The following PTGER3 variants were observed in gnomAD, a reference collection of about 807,000 sequenced individuals.
PTGER3 encodes the protein prostaglandin E receptor 3, also known as prostaglandin E2 receptor EP3 subtype.
PTGER3 carries 22 observed loss-of-function variants against 34.7 expected under a neutral mutation model. The ratio of observed to expected loss-of-function variants is 0.63; its 90% CI spans 0.45 to 0.91. The LOEUF (loss-of-function observed/expected upper bound fraction) is 0.91, where lower values mean the gene tolerates loss of function less well. Among genes scored for constraint, PTGER3 ranks in the 40% least tolerant of loss-of-function variants. PTGER3 has a pLI of 0.00. For missense variants in PTGER3, 468 were observed against 519.4 expected, an observed-to-expected ratio of 0.90 and a Z score of 0.96; for synonymous variants, 241 against 230.1, an observed-to-expected ratio of 1.05 and a Z score of -0.43.
intron 4 of PTGER3, among the ~76,000 whole-genome samples, chr1:70,932,885 T>G (rs1435196838): frequency 1.3e-5 from 2 of 152,148 alleles, no homozygotes; most frequent in Admixed American, 1.3e-4. Flanking sequence ...TAAATTTCCC[T>G]TCTGTACACA....
chr1:70,937,159 T>A (rs748360576), intron 4 of PTGER3, among the ~76,000 whole-genome samples: 5 of 152,124 alleles, frequency 3.3e-5, no homozygotes, highest in Non-Finnish European at 7.4e-5. Context: ...TAGAGGGGAA[T>A]GTTATGATTA....
At chr1:70,953,425 A>G (rs958010614) in intron 3 of PTGER3, among the ~76,000 whole-genome samples, 1 of 152,142 alleles carries the variant, frequency 6.6e-6, no homozygotes, top group African/African-American at 2.4e-5. Context: ...TTCTGTGTGC[A>G]GTGGAGTCTA....
At chr1:70,884,692 A>G (rs1255654733) in intron 4 of PTGER3, among the ~76,000 whole-genome samples, 1 of 152,212 alleles carries the variant, frequency 6.6e-6, no homozygotes, top group Non-Finnish European at 1.5e-5. Flanking sequence ...CACTAAATTT[A>G]TGGTGATTTG....
At chr1:70,872,038 G>C (rs77623521) in intron 4 of PTGER3, among the ~76,000 whole-genome samples, 1 of 152,168 alleles carries the variant, frequency 6.6e-6, no homozygotes, top group Non-Finnish European at 1.5e-5. Context: ...CCTCAAACAC[G>C]ATTGTGTTGA....
chr1:71,031,571 C>A (rs116733983), intron 1 of PTGER3, among the ~76,000 whole-genome samples: 3,050 of 152,194 alleles, frequency 0.02, 106 homozygotes, highest in African/African-American at 0.07. Context: ...ATTTTACAAG[C>A]ATAACACAAA....
intron 4 of PTGER3, among the ~76,000 whole-genome samples, chr1:70,927,097 G>A (rs1557660646): frequency 6.6e-6 from 1 of 152,188 alleles, no homozygotes. Context: ...ATTTTATTGG[G>A]GATTTTTGCA....
At chr1:70,929,328 A>G (rs1459420932) in intron 4 of PTGER3, among the ~76,000 whole-genome samples, 3 of 152,210 alleles carry the variant, frequency 2.0e-5, no homozygotes, top group South Asian at 4.1e-4. Flanking sequence ...GGCTAATCTT[A>G]AAATCTTGTG....
chr1:71,020,697 AGTGTGTGT>A (rs112981971), intron 1 of PTGER3, among the ~76,000 whole-genome samples: 9 of 144,888 alleles, frequency 6.2e-5, no homozygotes, highest in Non-Finnish European at 7.6e-5. Flanking sequence ...ATGTTAGCAG[AGTGTGTGT>A]GTGTGTGTGT....
chr1:70,918,713 C>G lies in PTGER3; in HGVS notation c.*23+35050G>C, dbSNP rs899830189. On this transcript the variant is annotated intron_variant, in intron 4 of 4. Coordinates refer to the PTGER3 transcript ENST00000370931. ...AGAAAACATTAGAATAGGTGATCCTCTAGCTCCTGACAGCACCAATGTGTT... is the reference window on the plus strand; with the variant it reads ...AGAAAACATTAGAATAGGTGATCCTGTAGCTCCTGACAGCACCAATGTGTT... 2.6e-5 allele frequency among the ~76,000 whole-genome samples: 4 copies of G among 152,188 alleles called. No homozygotes were observed. The East Asian group carries it at 7.7e-4, about 29-fold the overall frequency.
At chr1:70,924,831 G>A (rs944015802) in intron 4 of PTGER3, among the ~76,000 whole-genome samples, 4 of 151,986 alleles carry the variant, frequency 2.6e-5, no homozygotes, top group Non-Finnish European at 5.9e-5. Flanking sequence ...AACTCACCCT[G>A]AATTATTTCT....
At position 70,971,595 on chromosome 1, in the gene PTGER3, C is replaced by T; in HGVS notation, c.*135G>A. On this transcript the variant is annotated 3_prime_UTR_variant, in exon 4 of 4. Coordinates refer to ENST00000306666, the MANE Select transcript of PTGER3 (RefSeq NM_198719.2). ...ATCTCCATGGGTATTACTGACAAAA[C>T]AATCATTAAAATAAAAAGATAAAAA... 1 of 1,349,696 alleles carries T rather than the reference C, an allele frequency of 7.4e-7. No homozygotes were observed. Among genetic ancestry groups the T allele is most frequent in the Non-Finnish European group, 9.6e-7 (1 of 1,045,010 alleles). 83.6% of individuals were successfully genotyped at this position (1,349,696 alleles called of 1,614,324 possible).
intron 1 of PTGER3, among the ~76,000 whole-genome samples, chr1:71,027,676 C>G (rs934005409): frequency 6.6e-6 from 1 of 152,022 alleles, no homozygotes. Flanking sequence ...AAATGTAATT[C>G]AAGCCACAAA....
At chr1:70,970,334 C>G (rs1007911727), downstream of PTGER3, among the ~76,000 whole-genome samples, 10 of 152,094 alleles carry the variant, frequency 6.6e-5, no homozygotes, top group Admixed American at 2.6e-4. Context: ...ATACTATGTA[C>G]TCAATAAAAT....
Position 70,905,184 on chromosome 1 carries a change from G to A in PTGER3, c.*23+48579C>T, listed in dbSNP as rs541170852. ...TTTGTGAACCTCTGCCTAGATTTCA[G>A]AAGATGTATGGAAACACCTGGATGC... On this transcript the variant is annotated intron_variant, in intron 4 of 4. Transcript: ENST00000370931. Among the ~76,000 whole-genome samples, 28 of 152,276 alleles carry A rather than the reference G, an allele frequency of 1.8e-4. 1 individual carries two copies. The East Asian group carries it at 5.2e-3, about 28-fold the overall frequency.
At position 70,928,897 on chromosome 1, in the gene PTGER3, T is replaced by C. The variant is rs926346734; in HGVS notation, c.*23+24866A>G. On this transcript the variant is annotated intron_variant, in intron 4 of 4. Coordinates refer to the PTGER3 transcript ENST00000370931. ...CACACACACACACACACACACACAC[T>C]ATATATATACACACATACATATATA... Among the ~76,000 whole-genome samples, 3 of 117,992 alleles carry C rather than the reference T, an allele frequency of 2.5e-5. No homozygotes were observed. The South Asian group carries it at 8.9e-4, about 35-fold the overall frequency. 77.4% of individuals were successfully genotyped at this position (117,992 alleles called of 152,430 possible).
chr1:70,977,947 T>A (rs1223013430), intron 2 of PTGER3, among the ~76,000 whole-genome samples: 1 of 152,128 alleles, frequency 6.6e-6, no homozygotes, highest in Non-Finnish European at 1.5e-5. Flanking sequence ...GAAGGTCCTC[T>A]CCCTTTGTCA....
chr1:70,968,448 ATCTT>A (rs1391174915), downstream of PTGER3, among the ~76,000 whole-genome samples: 2 of 152,160 alleles, frequency 1.3e-5, no homozygotes, highest in Non-Finnish European at 2.9e-5. Flanking sequence ...GGTTAGTTCT[ATCTT>A]TATTATAACC....
intron 2 of PTGER3, among the ~76,000 whole-genome samples, chr1:70,991,042 C>T (rs761129126): frequency 1.5e-4 from 23 of 152,154 alleles, no homozygotes; most frequent in Non-Finnish European, 2.9e-4. Flanking sequence ...TTCTCATTGA[C>T]CTTGGGCTTC....
chr1:70,957,311 G>C (rs1651448494), intron 2 of PTGER3, among the ~76,000 whole-genome samples: 1 of 152,150 alleles, frequency 6.6e-6, no homozygotes. Context: ...ATTCAAAGCA[G>C]TGAAGTCAAC....
Sources: gnomAD v4.1 joint callset for allele counts (sites outside exome capture counted in the v4.1 genomes callset) on GRCh38, gnomAD v4.1.1 for gene constraint, MANE v1.5 for transcripts, NCBI Gene and HGNC (gene_info 2026-07-23, HGNC 2026-07-21) for gene names.